The following PTP4A2 variants were observed in gnomAD, a reference collection of about 807,000 sequenced individuals.
PTP4A2 encodes the protein protein tyrosine phosphatase 4A2.
A neutral mutation model predicts 22.9 loss-of-function variants in PTP4A2; 2 were observed. That is an observed-to-expected ratio of 0.09 (90% CI 0.04 to 0.27). The LOEUF is 0.27. PTP4A2 is among the 10% of genes least tolerant of loss of function. PTP4A2 has a pLI of 1.00. For missense variants in PTP4A2, 103 were observed against 205.1 expected, an observed-to-expected ratio of 0.50 and a Z score of 3.04; for synonymous variants, 68 against 69.1, an observed-to-expected ratio of 0.98 and a Z score of 0.08.
chr1:31,915,840 A>G, intron 3 of PTP4A2, 55 bp downstream of exon 3: 2 of 1,204,460 alleles, frequency 1.7e-6, no homozygotes, highest in Non-Finnish European at 2.4e-6. Context: ...TTTTATAAAT[A>G]TTTATGTTTG....
chr1:31,920,696 C>T (rs1335475973), intron 1 of PTP4A2, among the ~76,000 whole-genome samples: 2 of 151,766 alleles, frequency 1.3e-5, no homozygotes, highest in East Asian at 3.9e-4. Context: ...CACCACCACA[C>T]CTGGCTAATT....
Position 31,931,178 on chromosome 1 carries a change from G to A in PTP4A2, c.-594+6809C>T, listed in dbSNP as rs528869155. On this transcript the variant is annotated intron_variant, in intron 1 of 5. Coordinates refer to ENST00000647444, the MANE Select transcript of PTP4A2 (RefSeq NM_080391.4). ...CAACGTGGGTGAAAAATGCTTGATT[G>A]GTATTAAGTTTTCATATTACCACCA... 3.3e-5 allele frequency: 5 copies of A among 152,252 alleles called. No homozygotes were observed. The South Asian group carries it at 1.0e-3, about 32-fold the overall frequency. The allele number at this position is 152,252 out of a possible 1,614,324, so 9.4% of individuals were successfully genotyped here.
chr1:31,913,630 C>A (rs1213942102), intron 3 of PTP4A2, among the ~76,000 whole-genome samples: 1 of 151,728 alleles, frequency 6.6e-6, no homozygotes, highest in Non-Finnish European at 1.5e-5. Context: ...AAGGTGGTAT[C>A]ATATTGTGCT....
intron 1 of PTP4A2, among the ~76,000 whole-genome samples, chr1:31,930,499 A>C (rs1188088159): frequency 6.6e-6 from 1 of 152,212 alleles, no homozygotes; most frequent in Non-Finnish European, 1.5e-5. Flanking sequence ...TGGACAAGAC[A>C]CAGAATAAAA....
In PTP4A2 at chr1:31,911,809, A is replaced by G; in HGVS notation, c.207T>C (p.Asp69=). The G allele has an allele frequency of 1.3e-6, 2 of 1,576,982 alleles. No homozygotes were observed. The highest frequency in any genetic ancestry group is 1.4e-5 in the African/African-American group (1 of 72,778). Residue 69 remains aspartate, a synonymous_variant, in exon 4 of 6, where the codon GAT becomes GAC. Transcript: ENST00000647444. ...GIHVLDWPFD[D]GAPPPNQIVD... ...CTATCTGATTAGGGGGTGGAGCTCCATCATCAAATGGCCAATCCTGAAAAG... is the reference window on the plus strand; with the variant it reads ...CTATCTGATTAGGGGGTGGAGCTCCGTCATCAAATGGCCAATCCTGAAAAG...
At chr1:31,913,483 T>C (rs1282614218) in intron 3 of PTP4A2, among the ~76,000 whole-genome samples, 1 of 152,196 alleles carries the variant, frequency 6.6e-6, no homozygotes, top group Non-Finnish European at 1.5e-5. Context: ...CTTTAAGGAA[T>C]CTCCACGCTG....
At chr1:31,917,500 T>C (rs977126156) in intron 2 of PTP4A2, among the ~76,000 whole-genome samples, 4 of 152,206 alleles carry the variant, frequency 2.6e-5, no homozygotes, top group Non-Finnish European at 5.9e-5. Flanking sequence ...AGCCATTCAT[T>C]GAAAAGTTGC....
At chr1:31,923,522 G>A (rs551056771) in intron 1 of PTP4A2, among the ~76,000 whole-genome samples, 17 of 150,950 alleles carry the variant, frequency 1.1e-4, no homozygotes, top group Admixed American at 2.6e-4. Context: ...TTTTAGTAGA[G>A]ACGGGGTTTC....
intron 5 of PTP4A2, 47 bp from the exon 6 acceptor site, chr1:31,909,007 T>C: frequency 7.4e-7 from 1 of 1,346,510 alleles, no homozygotes; most frequent in Middle Eastern, 1.8e-4. Flanking sequence ...AAAAGAGCTG[T>C]CTGATTCACT....
intron 3 of PTP4A2, 140 bp from the exon 4 acceptor site, chr1:31,911,966 G>T (rs1026228680): frequency 1.2e-5 from 6 of 481,972 alleles, no homozygotes; most frequent in Non-Finnish European, 2.1e-5. Context: ...ACACAATTCT[G>T]ATCATTGCTG....
At chr1:31,930,689 G>A (rs750597591) in intron 1 of PTP4A2, among the ~76,000 whole-genome samples, 9 of 152,084 alleles carry the variant, frequency 5.9e-5, no homozygotes, top group Admixed American at 1.3e-4. Flanking sequence ...TTTGTGTACT[G>A]AGTACAATAC....
chr1:31,924,478 AGT>A (rs1379156789), intron 1 of PTP4A2, among the ~76,000 whole-genome samples: 1 of 152,238 alleles, frequency 6.6e-6, no homozygotes, highest in East Asian at 1.9e-4. Flanking sequence ...CAAAGCAAAC[AGT>A]GTGTAAAAAA....
chr1:31,916,118 G>A (rs557123669), intron 2 of PTP4A2, 131 bp from the exon 3 acceptor site: 10 of 558,428 alleles, frequency 1.8e-5, no homozygotes, highest in Non-Finnish European at 2.8e-5. Flanking sequence ...GGCCTGAGGC[G>A]GGCATATCAC....
Position 31,908,130 on chromosome 1 carries a change from A to ATG in PTP4A2, c.*721_*722insCA, listed in dbSNP as rs1557858755. 2.5e-3 allele frequency: 1 copy of ATG among 400 alleles called. No individual in the cohort carries two copies. The highest frequency in any genetic ancestry group is 0.01 in the African/African-American group (1 of 96). 0.0% of individuals were successfully genotyped at this position (400 alleles called of 1,614,324 possible). ...ACCTGGAAAATATATATATATATAT[A>ATG]TATATTATATTATATATATATATAT... is the stretch of plus-strand genomic sequence containing the variant. On this transcript the variant is annotated 3_prime_UTR_variant, in exon 6 of 6. Transcript: ENST00000647444.
chr1:31,916,005 ATT>A lies in PTP4A2; in HGVS notation c.97-20_97-19del. On this transcript the variant is annotated intron_variant, in intron 2 of 5. Transcript: ENST00000647444. ...TTAAGTTCCTTTAAAAAAAAAAAAA[ATT>A]ATAATGGAACTTGTTTTTGAAACCT... 9.0e-6 allele frequency: 13 copies of A among 1,447,304 alleles called. No homozygotes were observed. The highest frequency in any genetic ancestry group is 2.3e-5 in the East Asian group (1 of 42,816). 89.7% of individuals were successfully genotyped at this position (1,447,304 alleles called of 1,614,324 possible). A position where few individuals can be genotyped will look rare whatever the true frequency, so the allele number is the denominator to read the frequency against.
In PTP4A2 at chr1:31,909,205, G is replaced by T. The variant is rs190414223; in HGVS notation, c.396-245C>A. ...TCTATTAACCATTTAATAAAGATCA[G>T]AATAGTTTCTACTTTCGTTTTCTTT... is the stretch of plus-strand genomic sequence containing the variant. On this transcript the variant is annotated intron_variant, in intron 5 of 5. Transcript: ENST00000647444. Among the ~76,000 whole-genome samples the T allele has an allele frequency of 2.7e-3, 412 of 152,246 alleles. 2 individuals carry two copies. The highest frequency in any genetic ancestry group is 3.7e-3 in the Non-Finnish European group (252 of 68,010).
intron 2 of PTP4A2, among the ~76,000 whole-genome samples, chr1:31,918,393 T>A (rs763606010): frequency 6.6e-6 from 1 of 152,244 alleles, no homozygotes; most frequent in Non-Finnish European, 1.5e-5. Context: ...TGGACCCTTG[T>A]ATACGATTAT....
chr1:31,909,996 T>C (rs918035922), intron 5 of PTP4A2, 42 bp downstream of exon 5: 1 of 1,501,396 alleles, frequency 6.7e-7, no homozygotes, highest in Non-Finnish European at 9.3e-7. Context: ...TCATGCATGA[T>C]CTTGCTTTCT....
At chr1:31,912,721 T>C (rs1651603305) in intron 3 of PTP4A2, among the ~76,000 whole-genome samples, 1 of 152,140 alleles carries the variant, frequency 6.6e-6, no homozygotes, top group African/African-American at 2.4e-5. Context: ...AAAACACTGT[T>C]AGGAATTTTT....
Sources: allele counts gnomAD v4.1 joint callset (sites outside exome capture counted in the v4.1 genomes callset), GRCh38; gene constraint gnomAD v4.1.1; transcripts MANE v1.5; gene names NCBI Gene and HGNC (gene_info 2026-07-23, HGNC 2026-07-21).